IGSF11: variants seen among roughly 807,000 people sequenced by gnomAD.
The protein encoded by IGSF11 is immunoglobulin superfamily member 11.
Under a neutral mutation model 41.0 loss-of-function variants are expected in IGSF11, and 22 were observed. That is an observed-to-expected ratio of 0.54 (90% CI 0.38 to 0.77). The LOEUF (loss-of-function observed/expected upper bound fraction) is 0.77, where lower values mean the gene tolerates loss of function less well. Among genes scored for constraint, IGSF11 ranks in the 30% least tolerant of loss-of-function variants. The pLI is 0.00. For synonymous variants in IGSF11, 219 were observed against 201.3 expected (o/e 1.09, Z -0.74); for missense variants, 444 against 530.8 (o/e 0.84, Z 1.61).
intron 1 of IGSF11, among the ~76,000 whole-genome samples, chr3:119,122,495 G>C (rs1478728979): frequency 1.3e-5 from 2 of 152,224 alleles, no homozygotes; most frequent in African/African-American, 4.8e-5. Flanking sequence ...GCAACTCCTA[G>C]GTGAGTCCTA....
At chr3:119,077,292 A>T (rs187290549) in intron 1 of IGSF11, among the ~76,000 whole-genome samples, 32 of 152,160 alleles carry the variant, frequency 2.1e-4, no homozygotes, top group Middle Eastern at 3.4e-3. Flanking sequence ...GGGGGAGGGA[A>T]AGCATTAGGA....
At chr3:118,974,335 AG>A (rs1238886658) in intron 1 of IGSF11, among the ~76,000 whole-genome samples, 7 of 152,226 alleles carry the variant, frequency 4.6e-5, no homozygotes, top group Non-Finnish European at 8.8e-5. Flanking sequence ...GAATTGAAGT[AG>A]ATAATAATCT....
At chr3:119,047,567 T>G (rs1338953265) in intron 1 of IGSF11, among the ~76,000 whole-genome samples, 1 of 152,186 alleles carries the variant, frequency 6.6e-6, no homozygotes, top group African/African-American at 2.4e-5. Context: ...AACATCACAC[T>G]GTCAACATTA....
chr3:119,048,313 GA>G (rs1231941041), intron 1 of IGSF11, among the ~76,000 whole-genome samples: 7 of 151,796 alleles, frequency 4.6e-5, no homozygotes, highest in African/African-American at 1.4e-4. Context: ...TGATAAAGGG[GA>G]TATCACCACC....
intron 4 of IGSF11, among the ~76,000 whole-genome samples, chr3:118,918,098 G>T (rs1290638225): frequency 2.8e-5 from 3 of 105,654 alleles, no homozygotes; most frequent in Admixed American, 2.0e-4. Flanking sequence ...GGTATTGATG[G>T]GACGTATTTC....
In IGSF11 at chr3:119,034,716, C is replaced by T. The variant is rs1940779041; in HGVS notation, c.-134G>A. On this transcript the variant is annotated 5_prime_UTR_variant, in exon 1 of 7. Coordinates refer to ENST00000393775, the MANE Select transcript of IGSF11 (RefSeq NM_001015887.3). ...CAGCGCCGGGCCGCTGTTCCCCGCG[C>T]AGAGCTGGGACTGTCAGACCCACAG... 1 of 1,383,252 alleles carries T rather than the reference C, an allele frequency of 7.2e-7. No homozygotes were observed. Among genetic ancestry groups the T allele is most frequent in the Middle Eastern group, 2.7e-4 (1 of 3,644 alleles). The allele number at this position is 1,383,252 out of a possible 1,614,324, so 85.7% of individuals were successfully genotyped here. A position where few individuals can be genotyped will look rare whatever the true frequency, so the allele number is the denominator to read the frequency against.
chr3:118,915,503 T>C (rs2107499564), intron 4 of IGSF11, among the ~76,000 whole-genome samples: 1 of 34,948 alleles, frequency 2.9e-5, no homozygotes, highest in South Asian at 1.1e-3. Flanking sequence ...AGAAAGGGTA[T>C]CAGCAATGGA....
At chr3:118,986,408 A>G (rs1306619636) in intron 1 of IGSF11, among the ~76,000 whole-genome samples, 1 of 152,232 alleles carries the variant, frequency 6.6e-6, no homozygotes, top group African/African-American at 2.4e-5. Context: ...ACTGAATTTT[A>G]TTCATTAAGT....
At chr3:118,906,696 T>C (rs929568726) in intron 4 of IGSF11, among the ~76,000 whole-genome samples, 1 of 152,188 alleles carries the variant, frequency 6.6e-6, no homozygotes, top group Non-Finnish European at 1.5e-5. Context: ...ATTTTAGTAA[T>C]TCATCAACAT....
At chr3:119,001,968 G>C (rs1183936602) in intron 1 of IGSF11, among the ~76,000 whole-genome samples, 1 of 135,016 alleles carries the variant, frequency 7.4e-6, no homozygotes, top group East Asian at 2.0e-4. Context: ...ATGATTTATA[G>C]TCCTTTGGGT....
At chr3:118,984,952 GAAGAT>G (rs1935106984) in intron 1 of IGSF11, among the ~76,000 whole-genome samples, 1 of 152,138 alleles carries the variant, frequency 6.6e-6, no homozygotes, top group Non-Finnish European at 1.5e-5. Context: ...AGTCATGTGA[GAAGAT>G]AAGAAGCCAT....
intron 1 of IGSF11, among the ~76,000 whole-genome samples, chr3:118,956,008 G>A (rs1944926218): frequency 6.6e-6 from 1 of 152,194 alleles, no homozygotes; most frequent in African/African-American, 2.4e-5. Flanking sequence ...TGCATAACTT[G>A]CTGCAGCTTC....
At chr3:119,106,068 G>C (rs1215892011), upstream of IGSF11, among the ~76,000 whole-genome samples, 1 of 152,124 alleles carries the variant, frequency 6.6e-6, no homozygotes, top group East Asian at 1.9e-4. Context: ...TAAGAGGTAT[G>C]TCTGCCATAA....
intron 1 of IGSF11, among the ~76,000 whole-genome samples, chr3:119,018,951 G>A (rs994257412): frequency 6.6e-6 from 1 of 152,218 alleles, no homozygotes; most frequent in African/African-American, 2.4e-5. Flanking sequence ...GTTCCAAGCT[G>A]TTTAACCACA....
At chr3:118,968,640 T>C (rs749523272) in intron 1 of IGSF11, among the ~76,000 whole-genome samples, 5 of 152,150 alleles carry the variant, frequency 3.3e-5, no homozygotes, top group Admixed American at 1.3e-4. Flanking sequence ...GAGCAATAAC[T>C]CTCTCTTTAT....
Position 118,952,714 on chromosome 3 carries a change from T to C in IGSF11, c.53-22439A>G, listed in dbSNP as rs1190188671. Among the ~76,000 whole-genome samples, 7 of 152,172 alleles carry C rather than the reference T, an allele frequency of 4.6e-5. No individual in the cohort carries two copies. In the East Asian group the frequency reaches 5.8e-4, roughly 13 times the overall value. On this transcript the variant is annotated intron_variant, in intron 1 of 6. Transcript: ENST00000393775. ...TCCCATGATTTTTTCAGAAAACTTG[T>C]AGATACACAAAAATGAGAAGTAAAA...
chr3:118,943,427 T>C (rs1943861553), intron 1 of IGSF11, among the ~76,000 whole-genome samples: 1 of 152,150 alleles, frequency 6.6e-6, no homozygotes, highest in Non-Finnish European at 1.5e-5. Flanking sequence ...ATTTCAGAAA[T>C]CATAGTTTAA....
intron 1 of IGSF11, among the ~76,000 whole-genome samples, chr3:118,992,050 C>A (rs964026990): frequency 3.3e-5 from 5 of 152,150 alleles, no homozygotes; most frequent in African/African-American, 1.2e-4. Context: ...TGTATTTGCT[C>A]GAATCAACCA....
intron 1 of IGSF11, among the ~76,000 whole-genome samples, chr3:119,069,566 C>T (rs1039925402): frequency 5.3e-5 from 8 of 152,258 alleles, no homozygotes; most frequent in East Asian, 3.9e-4. Context: ...ATACCCTCCA[C>T]GATATCCTGC....
Sources: gnomAD v4.1 joint callset for allele counts (sites outside exome capture counted in the v4.1 genomes callset) on GRCh38, gnomAD v4.1.1 for gene constraint, MANE v1.5 for transcripts, NCBI Gene and HGNC (gene_info 2026-07-23, HGNC 2026-07-21) for gene names.